Variants in PCDH15 observed in about 807,000 individuals in gnomAD.
The protein encoded by PCDH15 is protocadherin related 15.
Under a neutral mutation model 178.5 loss-of-function variants are expected in PCDH15, and 129 were observed. The observed-to-expected ratio is 0.72, with a 90% CI of 0.63 to 0.84. The LOEUF is 0.84. Ranked by LOEUF, PCDH15 falls within the 40% of genes least tolerant of loss-of-function variation. The pLI, the probability that PCDH15 is intolerant of heterozygous loss-of-function variation, is 0.00. For synonymous variants in PCDH15, 800 were observed against 732.0 expected, an observed-to-expected ratio of 1.09 and a Z score of -1.50; for missense variants, 2,230 against 2,099.9, an observed-to-expected ratio of 1.06 and a Z score of -1.21.
At chr10:55,027,546 G>A (rs770498135) in intron 2 of PCDH15, among the ~76,000 whole-genome samples, 28 of 151,752 alleles carry the variant, frequency 1.8e-4, no homozygotes, top group Non-Finnish European at 3.4e-4. Context: ...GGGGTGAAAA[G>A]GTTTGTTAAG....
At chr10:55,619,264 A>C (rs1843540286) in intron 2 of PCDH15, among the ~76,000 whole-genome samples, 1 of 151,768 alleles carries the variant, frequency 6.6e-6, no homozygotes, top group Non-Finnish European at 1.5e-5. Flanking sequence ...AACACCAATT[A>C]AGGCTTTTTT....
At chr10:55,463,084 G>A (rs1839714291) in intron 2 of PCDH15, among the ~76,000 whole-genome samples, 1 of 149,138 alleles carries the variant, frequency 6.7e-6, no homozygotes, top group South Asian at 2.1e-4. Flanking sequence ...TATAGGAAAG[G>A]TCAGGATCCA....
intron 8 of PCDH15, among the ~76,000 whole-genome samples, chr10:54,259,560 T>C (rs1488174654): frequency 6.6e-6 from 1 of 152,134 alleles, no homozygotes; most frequent in Non-Finnish European, 1.5e-5. Context: ...AGGGTGAGTA[T>C]TATGGAATAG....
In PCDH15 at chr10:54,664,248, A is replaced by G; in HGVS notation, c.15T>C (p.Phe5=). MFRQ[F]YLWTCLASGI... is the part of the protein sequence containing the mutation. ...CTGAAGCTAAACATGTCCAGAGATAAAACTGTCGAAACATCTTCTGTCAAA... is the reference window on the plus strand; with the variant it reads ...CTGAAGCTAAACATGTCCAGAGATAGAACTGTCGAAACATCTTCTGTCAAA... Residue 5 remains phenylalanine, a synonymous_variant, in exon 2 of 38, where the codon TTT becomes TTC. Coordinates refer to ENST00000644397, the MANE Select transcript of PCDH15 (RefSeq NM_001384140.1). 6.2e-7 allele frequency: 1 copy of G among 1,611,396 alleles called. No individual in the cohort carries two copies. Among genetic ancestry groups the G allele is most frequent in the Non-Finnish European group, 8.5e-7 (1 of 1,178,326 alleles).
intron 2 of PCDH15, among the ~76,000 whole-genome samples, chr10:54,955,004 C>T (rs562161795): frequency 2.0e-5 from 3 of 151,292 alleles, no homozygotes; most frequent in African/African-American, 7.2e-5. Flanking sequence ...AAAAACCATA[C>T]AAATTCTTGG....
intron 3 of PCDH15, among the ~76,000 whole-genome samples, chr10:54,470,075 T>C (rs2077797376): frequency 6.6e-6 from 1 of 152,088 alleles, no homozygotes; most frequent in Non-Finnish European, 1.5e-5. Flanking sequence ...CCCGGTAGTG[T>C]TTACAGTCAC....
At chr10:55,312,670 C>A (rs1022639636) in intron 1 of PCDH15, among the ~76,000 whole-genome samples, 2 of 151,346 alleles carry the variant, frequency 1.3e-5, no homozygotes, top group African/African-American at 4.9e-5. Context: ...CAGGCTGGAG[C>A]GCAATGGCAC....
intron 3 of PCDH15, among the ~76,000 whole-genome samples, chr10:54,519,367 CAG>C (rs2082590487): frequency 6.6e-6 from 1 of 152,066 alleles, no homozygotes; most frequent in African/African-American, 2.4e-5. Context: ...AGCAAAGTCT[CAG>C]GATACAAAAT....
At chr10:54,012,218 C>T (rs1159232065) in intron 20 of PCDH15, among the ~76,000 whole-genome samples, 1 of 151,748 alleles carries the variant, frequency 6.6e-6, no homozygotes, top group Non-Finnish European at 1.5e-5. Flanking sequence ...TCTGAACTAA[C>T]TAAGAAGGAC....
intron 3 of PCDH15, chr10:54,864,826 A>G (rs1268893041): frequency 1.3e-5 from 2 of 152,342 alleles, no homozygotes; most frequent in East Asian, 3.9e-4. Flanking sequence ...ACAGAGACCA[A>G]AACATATGCC....
rs1554823229 is a variant in PCDH15 at position 53,828,564 on chromosome 10, C to A, written c.4211+1G>T. On this transcript the variant is annotated splice_donor_variant, in intron 31 of 37. Transcript: ENST00000644397. LOFTEE classifies it high-confidence loss of function. ...ATGTGTAAAATGTTAATTATACTTA[C>A]ACTTTAAACCTGTTTGGGAAAGCAA... 2.6e-6 allele frequency: 4 copies of A among 1,552,260 alleles called. No homozygotes were observed. The highest frequency in any genetic ancestry group is 2.3e-5 in the East Asian group (1 of 44,444).
intron 3 of PCDH15, among the ~76,000 whole-genome samples, chr10:54,878,753 G>A (rs917293516): frequency 6.6e-6 from 1 of 152,012 alleles, no homozygotes; most frequent in Non-Finnish European, 1.5e-5. Context: ...GTGGTATGCT[G>A]CACAGATTAA....
At chr10:54,678,141 A>C (rs2094826181) in intron 1 of PCDH15, among the ~76,000 whole-genome samples, 1 of 152,226 alleles carries the variant, frequency 6.6e-6, no homozygotes, top group African/African-American at 2.4e-5. Context: ...TTTACAAAGT[A>C]ACATATATAA....
chr10:54,033,190 G>A (rs560950375), intron 18 of PCDH15, among the ~76,000 whole-genome samples: 100 of 151,900 alleles, frequency 6.6e-4, no homozygotes, highest in African/African-American at 2.2e-3. Flanking sequence ...ACCTATTTTT[G>A]TATAATTAAA....
At chr10:55,302,166 G>A (rs1702822678) in intron 1 of PCDH15, among the ~76,000 whole-genome samples, 1 of 152,020 alleles carries the variant, frequency 6.6e-6, no homozygotes, top group Admixed American at 6.6e-5. Context: ...TAGGTTAAAT[G>A]TATGCCAATG....
intron 2 of PCDH15, among the ~76,000 whole-genome samples, chr10:55,092,347 C>T (rs890867951): frequency 2.0e-5 from 3 of 151,736 alleles, no homozygotes; most frequent in African/African-American, 4.8e-5. Context: ...TGTAGATTAC[C>T]TATTTTTTCT....
chr10:54,279,824 C>T (rs2058569862), intron 8 of PCDH15, among the ~76,000 whole-genome samples: 1 of 151,672 alleles, frequency 6.6e-6, no homozygotes, highest in Admixed American at 6.6e-5. Context: ...ATCTAAAACA[C>T]TTATCAGGTG....
At chr10:54,005,110 T>C (rs1048569487) in intron 20 of PCDH15, among the ~76,000 whole-genome samples, 6 of 152,196 alleles carry the variant, frequency 3.9e-5, no homozygotes, top group East Asian at 1.9e-4. Context: ...TGGATATCCA[T>C]ATGCAAAAGA....
intron 17 of PCDH15, among the ~76,000 whole-genome samples, chr10:54,071,127 G>A (rs1468931963): frequency 6.6e-6 from 1 of 152,072 alleles, no homozygotes; most frequent in Non-Finnish European, 1.5e-5. Context: ...TCTCATACAT[G>A]CAATTTATTA....
Sources: allele counts gnomAD v4.1 joint callset (sites outside exome capture counted in the v4.1 genomes callset), GRCh38; gene constraint gnomAD v4.1.1; transcripts MANE v1.5; gene names NCBI Gene and HGNC (gene_info 2026-07-23, HGNC 2026-07-21).